MTDH: variants seen among roughly 807,000 people sequenced by gnomAD.
The protein encoded by MTDH is protein LYRIC.
A neutral mutation model predicts 72.7 loss-of-function variants in MTDH; 34 were observed. The ratio of observed to expected loss-of-function variants is 0.47; its 90% CI spans 0.36 to 0.62. The LOEUF is 0.62. Among genes scored for constraint, MTDH ranks in the 20% least tolerant of loss-of-function variants. The pLI is 0.00. For synonymous variants in MTDH, 266 were observed against 268.9 expected (o/e 0.99, Z 0.10); for missense variants, 677 against 699.4 (o/e 0.97, Z 0.36).
chr8:97,662,213 A>G (rs1232695145), intron 2 of MTDH, among the ~76,000 whole-genome samples: 2 of 148,274 alleles, frequency 1.3e-5, no homozygotes, highest in Admixed American at 1.3e-4. Context: ...TTTTTTTAAT[A>G]TAGAGACAGG....
intron 7 of MTDH, among the ~76,000 whole-genome samples, chr8:97,702,750 AT>A (rs1345059362): frequency 6.6e-6 from 1 of 152,250 alleles, no homozygotes; most frequent in East Asian, 1.9e-4. Context: ...GGAGAGACAA[AT>A]TCTTTACCCT....
chr8:97,717,881 C>T lies in MTDH; in HGVS notation c.1381-1168C>T, dbSNP rs367826689. Among the ~76,000 whole-genome samples the T allele has an allele frequency of 2.4e-3, 359 of 152,114 alleles. 17 individuals carry two copies. In the South Asian group the frequency reaches 0.072, roughly 31 times the overall value. ...TATCATGTATCAGCCTCCCAAGTAG[C>T]TGGGATTACAGATGTGTACCACCAT... On this transcript the variant is annotated intron_variant, in intron 9 of 11. Transcript: ENST00000336273.
At chr8:97,653,877 C>T (rs2072647227) in intron 1 of MTDH, among the ~76,000 whole-genome samples, 1 of 152,182 alleles carries the variant, frequency 6.6e-6, no homozygotes, top group South Asian at 2.1e-4. Flanking sequence ...AGACATTTTT[C>T]TTCTAAGAAA....
intron 9 of MTDH, among the ~76,000 whole-genome samples, 199 bp from the exon 10 acceptor site, chr8:97,718,850 C>T (rs894208309): frequency 5.3e-5 from 8 of 151,628 alleles, no homozygotes; most frequent in Admixed American, 2.0e-4. Context: ...GTATACACCA[C>T]CACATGTGAC....
At chr8:97,712,990 C>G (rs558904008) in intron 8 of MTDH, among the ~76,000 whole-genome samples, 53 of 152,282 alleles carry the variant, frequency 3.5e-4, no homozygotes, top group African/African-American at 1.2e-3. Context: ...CATTCCTTAA[C>G]AGGGTCAAAT....
At position 97,644,401 on chromosome 8, in the gene MTDH, C is replaced by T. The variant is rs1445340236; in HGVS notation, c.-106C>T. Reference sequence around the variant, plus strand: ...CGGCGCGAGGGACGGCCGCGATGCGCTCGGCCTGAGGTTACCCGGCCCGGC... The same window carrying T: ...CGGCGCGAGGGACGGCCGCGATGCGTTCGGCCTGAGGTTACCCGGCCCGGC... On this transcript the variant is annotated 5_prime_UTR_variant, in exon 1 of 12. Coordinates refer to ENST00000336273, the MANE Select transcript of MTDH (RefSeq NM_178812.4). 5 of 1,409,552 alleles carry T rather than the reference C, an allele frequency of 3.5e-6. No individual in the cohort carries two copies. The African/African-American group carries it at 6.1e-5, about 17-fold the overall frequency. The allele number at this position is 1,409,552 out of a possible 1,614,324, so 87.3% of individuals were successfully genotyped here. A position where few individuals can be genotyped will look rare whatever the true frequency, so the allele number is the denominator to read the frequency against.
At chr8:97,670,319 A>C (rs1812560027) in intron 2 of MTDH, among the ~76,000 whole-genome samples, 1 of 151,630 alleles carries the variant, frequency 6.6e-6, no homozygotes, top group Admixed American at 6.6e-5. Context: ...TGTCTAAAAA[A>C]AACAAAAACA....
intron 1 of MTDH, among the ~76,000 whole-genome samples, chr8:97,650,327 TG>T (rs1331458481): frequency 6.6e-6 from 1 of 151,552 alleles, no homozygotes; most frequent in Non-Finnish European, 1.5e-5. Flanking sequence ...CAGGCTGGAG[TG>T]CAGTGGCGTA....
At chr8:97,682,879 G>A (rs1358770822) in intron 2 of MTDH, among the ~76,000 whole-genome samples, 1 of 151,632 alleles carries the variant, frequency 6.6e-6, no homozygotes, top group Non-Finnish European at 1.5e-5. Context: ...TGGGGAACAG[G>A]GTTTAGAATG....
intron 6 of MTDH, among the ~76,000 whole-genome samples, chr8:97,699,506 A>G (rs756083216): frequency 6.6e-6 from 1 of 152,164 alleles, no homozygotes; most frequent in Non-Finnish European, 1.5e-5. Flanking sequence ...ACAAAATCTA[A>G]TGGATTGGTG....
intron 2 of MTDH, among the ~76,000 whole-genome samples, chr8:97,671,399 A>T (rs1188917398): frequency 6.6e-6 from 1 of 152,210 alleles, no homozygotes; most frequent in Non-Finnish European, 1.5e-5. Flanking sequence ...TAAGGTAGAC[A>T]TTAAAGATAT....
chr8:97,724,534 T>C (rs910138761), intron 11 of MTDH, 66 bp from the exon 12 acceptor site: 17 of 1,070,878 alleles, frequency 1.6e-5, no homozygotes, highest in African/African-American at 8.0e-5. Flanking sequence ...TTTTATATTA[T>C]TGAGACGTAA....
intron 8 of MTDH, among the ~76,000 whole-genome samples, chr8:97,713,033 T>C (rs1814698063): frequency 6.6e-6 from 1 of 152,216 alleles, no homozygotes; most frequent in Non-Finnish European, 1.5e-5. Context: ...ACATTTGAAC[T>C]TCAAAATAAA....
chr8:97,699,319 C>T (rs1315444193), intron 6 of MTDH, among the ~76,000 whole-genome samples: 1 of 151,866 alleles, frequency 6.6e-6, no homozygotes, highest in East Asian at 1.9e-4. Flanking sequence ...CATGGTGGTA[C>T]AAGCCTGTGG....
intron 1 of MTDH, among the ~76,000 whole-genome samples, chr8:97,656,156 A>G (rs2130922469): frequency 6.6e-6 from 1 of 152,278 alleles, no homozygotes; most frequent in Middle Eastern, 3.4e-3. Flanking sequence ...TTACGTAACT[A>G]AGTGAAAGTA....
At chr8:97,645,939 C>T (rs112129140) in intron 1 of MTDH, among the ~76,000 whole-genome samples, 62 of 152,282 alleles carry the variant, frequency 4.1e-4, no homozygotes, top group African/African-American at 1.4e-3. Context: ...AAGGCCCTAC[C>T]ATGTGAAATT....
At chr8:97,705,313 T>C (rs572358638) in intron 7 of MTDH, among the ~76,000 whole-genome samples, 1 of 147,322 alleles carries the variant, frequency 6.8e-6, no homozygotes, top group African/African-American at 2.5e-5. Flanking sequence ...AAAAGAGAAT[T>C]GAGCATTGCT....
chr8:97,671,759 C>A (rs1045330359), intron 2 of MTDH, among the ~76,000 whole-genome samples: 1 of 152,138 alleles, frequency 6.6e-6, no homozygotes, highest in African/African-American at 2.4e-5. Context: ...ACAAGAATCA[C>A]TTGAACCCCA....
At chr8:97,684,430 C>T (rs1813277496) in intron 2 of MTDH, among the ~76,000 whole-genome samples, 1 of 152,050 alleles carries the variant, frequency 6.6e-6, no homozygotes, top group South Asian at 2.1e-4. Flanking sequence ...ACTCTGACAC[C>T]CCAAATCCAG....
Sources: gnomAD v4.1 joint callset for allele counts (sites outside exome capture counted in the v4.1 genomes callset) on GRCh38, gnomAD v4.1.1 for gene constraint, MANE v1.5 for transcripts, NCBI Gene and HGNC (gene_info 2026-07-23, HGNC 2026-07-21) for gene names.